DPYSL2: variants seen among roughly 807,000 people sequenced by gnomAD.
DPYSL2 encodes dihydropyrimidinase like 2, also known as dihydropyrimidinase-related protein 2.
Under a neutral mutation model 69.9 loss-of-function variants are expected in DPYSL2, and 13 were observed. That is an observed-to-expected ratio of 0.19 (90% CI 0.12 to 0.30). DPYSL2 has a LOEUF of 0.30. Among genes scored for constraint, DPYSL2 ranks in the 10% least tolerant of loss-of-function variants. The pLI is 1.00. For missense variants in DPYSL2, 587 were observed against 918.9 expected (o/e 0.64, Z 4.67); for synonymous variants, 326 against 359.1 (o/e 0.91, Z 1.04).
In DPYSL2 at chr8:26,656,604, C is replaced by G. The variant is rs1257451338; in HGVS notation, c.*898C>G. 1 of 152,608 alleles carries G rather than the reference C, an allele frequency of 6.6e-6. No homozygotes were observed. The highest frequency in any genetic ancestry group is 2.4e-5 in the African/African-American group (1 of 41,418). 9.5% of individuals were successfully genotyped at this position (152,608 alleles called of 1,614,324 possible). A position where few individuals can be genotyped will look rare whatever the true frequency, so the allele number is the denominator to read the frequency against. On this transcript the variant is annotated 3_prime_UTR_variant, in exon 14 of 14. Coordinates refer to ENST00000521913, the MANE Select transcript of DPYSL2 (RefSeq NM_001197293.3). ...CCTTGCCCCATTATCTTTTCACCTC[C>G]CAGGTCTACCATTTCATGGTGGTCG...
At position 26,577,981 on chromosome 8, in the gene DPYSL2, TTC is replaced by T. The variant is rs1224879556; in HGVS notation, c.355-3979_355-3978del. The stretch of plus-strand genomic sequence containing the variant: ...TTATTTCCACCCCCTTCCCTCCTGT[TTC>T]TCTCTCTCCTTCTCTCTCTCTCTCT... On this transcript the variant is annotated intron_variant, in intron 1 of 13. Transcript: ENST00000521913. 40 of 1,315,744 alleles carry T rather than the reference TTC, an allele frequency of 3.0e-5. No homozygotes were observed. In the African/African-American group the frequency reaches 5.7e-4, roughly 19 times the overall value. 81.5% of individuals were successfully genotyped at this position (1,315,744 alleles called of 1,614,324 possible).
chr8:26,578,364 T>C, intron 1 of DPYSL2: 1 of 1,601,710 alleles, frequency 6.2e-7, no homozygotes, highest in Non-Finnish European at 8.5e-7. Flanking sequence ...TAAGGAATTT[T>C]TAAAAAGGAG....
chr8:26,545,959 G>A (rs1302137933), intron 1 of DPYSL2, among the ~76,000 whole-genome samples: 2 of 152,068 alleles, frequency 1.3e-5, no homozygotes, highest in Non-Finnish European at 1.5e-5. Context: ...ATTTCACGTT[G>A]CCTATTCTGG....
At chr8:26,579,666 A>G (rs1447272649) in intron 1 of DPYSL2, among the ~76,000 whole-genome samples, 1 of 152,012 alleles carries the variant, frequency 6.6e-6, no homozygotes, top group Non-Finnish European at 1.5e-5. Context: ...TGCTCGGAGG[A>G]TTTTCTAGGA....
intron 1 of DPYSL2, among the ~76,000 whole-genome samples, chr8:26,553,351 AT>A (rs1204659955): frequency 9.3e-6 from 1 of 107,780 alleles, no homozygotes; most frequent in Non-Finnish European, 2.0e-5. Flanking sequence ...CCCAATACTT[AT>A]TTTTTTCTGA....
rs1374990675 is a variant in DPYSL2 at position 26,624,401 on chromosome 8, TCCCATTTGTGCCTCATG to T, written c.793+100_793+116del. 42 of 1,480,132 alleles carry T rather than the reference TCCCATTTGTGCCTCATG, an allele frequency of 2.8e-5. No individual in the cohort carries two copies. Among genetic ancestry groups the T allele is most frequent in the Middle Eastern group, 4.2e-4 (2 of 4,740 alleles). The allele number at this position is 1,480,132 out of a possible 1,614,324, so 91.7% of individuals were successfully genotyped here. On this transcript the variant is annotated intron_variant, in intron 4 of 13. Transcript: ENST00000521913. This position sits in a 1 kb window ranked among gnomAD's most constrained non-coding sequence, Gnocchi z 4.7. ...GGAAGAAAGTGATAATGCTTCCAGA[TCCCATTTGTGCCTCATG>T]CCCATGCCTGCCCCTGGGAAGGAGA...
chr8:26,517,208 C>T lies in DPYSL2; in HGVS notation c.354+2529C>T, dbSNP rs1808304385. 6.6e-6 allele frequency among the ~76,000 whole-genome samples: 1 copy of T among 152,192 alleles called. No individual in the cohort carries two copies. The highest frequency in any genetic ancestry group is 1.5e-5 in the Non-Finnish European group (1 of 68,038). ...TTGCACTAAGAGGCCTGCTGTTCCCCTAACAAGGCTTTGGGAAGGGAGAGA... is the reference window on the plus strand; with the variant it reads ...TTGCACTAAGAGGCCTGCTGTTCCCTTAACAAGGCTTTGGGAAGGGAGAGA... On this transcript the variant is annotated intron_variant, in intron 1 of 13. Transcript: ENST00000521913. This position sits in a 1 kb window ranked among gnomAD's most constrained non-coding sequence, Gnocchi z 4.2.
chr8:26,530,815 C>G (rs1057046044), intron 1 of DPYSL2, among the ~76,000 whole-genome samples: 4 of 152,164 alleles, frequency 2.6e-5, no homozygotes, highest in African/African-American at 9.7e-5. Context: ...TCACCTATTT[C>G]TTTTAGATCT....
At position 26,514,981 on chromosome 8, in the gene DPYSL2, T is replaced by G. The variant is rs1808253190; in HGVS notation, c.354+302T>G. Among the ~76,000 whole-genome samples the G allele has an allele frequency of 1.3e-5, 2 of 151,900 alleles. No homozygotes were observed. The highest frequency in any genetic ancestry group is 6.5e-5 in the Admixed American group (1 of 15,270). ...CGGGCGGTGGTCGTCTGGGAGGGGG[T>G]TGGCCGCGGTTCCATTCTTCTGAAA... is the stretch of plus-strand genomic sequence containing the variant. On this transcript the variant is annotated intron_variant, in intron 1 of 13. Coordinates refer to ENST00000521913, the MANE Select transcript of DPYSL2 (RefSeq NM_001197293.3). This position sits in a 1 kb window ranked among gnomAD's most constrained non-coding sequence, Gnocchi z 8.4.
chr8:26,594,662 C>T (rs1019911248), intron 3 of DPYSL2, among the ~76,000 whole-genome samples: 3 of 152,182 alleles, frequency 2.0e-5, no homozygotes, highest in African/African-American at 7.2e-5. Flanking sequence ...TCTTTCTAAT[C>T]TATCTGTATA....
At chr8:26,651,253 A>G (rs1228561995) in intron 11 of DPYSL2, among the ~76,000 whole-genome samples, 1 of 152,166 alleles carries the variant, frequency 6.6e-6, no homozygotes, top group African/African-American at 2.4e-5. Flanking sequence ...TACATGCCTG[A>G]TGTGAGCTGC....
chr8:26,626,793 C>A lies in DPYSL2; in HGVS notation c.855+115C>A. 2 of 1,095,712 alleles carry A rather than the reference C, an allele frequency of 1.8e-6. No individual in the cohort carries two copies. Among genetic ancestry groups the A allele is most frequent in the Non-Finnish European group, 2.7e-6 (2 of 740,918 alleles). 67.9% of individuals were successfully genotyped at this position (1,095,712 alleles called of 1,614,324 possible). A position where few individuals can be genotyped will look rare whatever the true frequency, so the allele number is the denominator to read the frequency against. On this transcript the variant is annotated intron_variant, in intron 5 of 13. Coordinates refer to ENST00000521913, the MANE Select transcript of DPYSL2 (RefSeq NM_001197293.3). This position sits in a 1 kb window ranked among gnomAD's most constrained non-coding sequence, Gnocchi z 4.3. Reference sequence around the variant, plus strand: ...TGTTTCCTAGCTTCCTGGGAAGTGGCTGGTGGATGCAGTTACTGATGTAAC... The same window carrying A: ...TGTTTCCTAGCTTCCTGGGAAGTGGATGGTGGATGCAGTTACTGATGTAAC...
intron 11 of DPYSL2, among the ~76,000 whole-genome samples, chr8:26,649,582 C>A (rs1803241230): frequency 6.6e-6 from 1 of 152,214 alleles, no homozygotes; most frequent in African/African-American, 2.4e-5. Context: ...AAAGAGCCAG[C>A]ACTAAGCATG....
chr8:26,592,451 T>G (rs984863821), intron 3 of DPYSL2, among the ~76,000 whole-genome samples: 1 of 144,026 alleles, frequency 6.9e-6, no homozygotes, highest in African/African-American at 2.6e-5. Flanking sequence ...CTGTGCCTGT[T>G]TGGTACATTA....
At chr8:26,632,027 C>G (rs1336501490) in intron 7 of DPYSL2, among the ~76,000 whole-genome samples, 1 of 152,176 alleles carries the variant, frequency 6.6e-6, no homozygotes, top group Non-Finnish European at 1.5e-5. Flanking sequence ...AGTTTGGTGA[C>G]CTATCCATCA....
At position 26,598,911 on chromosome 8, in the gene DPYSL2, C is replaced by T. The variant is rs1316923503; in HGVS notation, c.628+14928C>T. On this transcript the variant is annotated intron_variant, in intron 3 of 13. Coordinates refer to ENST00000521913, the MANE Select transcript of DPYSL2 (RefSeq NM_001197293.3). The surrounding 1 kb of genome is among the most constrained non-coding windows in gnomAD (Gnocchi z 4.2). ...GCTTCTGTGCCTTTTCCCCACTGTG[C>T]GTATTCTTAGCTGCGCAAGTGTCGT... Among the ~76,000 whole-genome samples, 1 of 152,232 alleles carries T rather than the reference C, an allele frequency of 6.6e-6. No individual in the cohort carries two copies. The highest frequency in any genetic ancestry group is 2.1e-4 in the South Asian group (1 of 4,830).
chr8:26,574,785 C>A (rs1025059750), intron 1 of DPYSL2, among the ~76,000 whole-genome samples: 2 of 152,162 alleles, frequency 1.3e-5, no homozygotes, highest in African/African-American at 4.8e-5. Context: ...ACTCTGTCAC[C>A]CAAGCTGGAG....
chr8:26,564,414 G>A lies in DPYSL2; in HGVS notation c.355-17555G>A, dbSNP rs1801118316. Reference sequence around the variant, plus strand: ...TTCCAAGCTCAAGGGACTGAGAGGTGGAGAGGAAGACTTTGAGATTTGGGA... The same window carrying A: ...TTCCAAGCTCAAGGGACTGAGAGGTAGAGAGGAAGACTTTGAGATTTGGGA... On this transcript the variant is annotated intron_variant, in intron 1 of 13. Coordinates refer to ENST00000521913, the MANE Select transcript of DPYSL2 (RefSeq NM_001197293.3). The surrounding 1 kb of genome is among the most constrained non-coding windows in gnomAD (Gnocchi z 4.8). Among the ~76,000 whole-genome samples the A allele has an allele frequency of 1.3e-5, 2 of 152,160 alleles. No homozygotes were observed. Among genetic ancestry groups the A allele is most frequent in the Admixed American group, 6.5e-5 (1 of 15,270 alleles).
chr8:26,568,343 C>G (rs1042714781), intron 1 of DPYSL2, among the ~76,000 whole-genome samples: 1 of 152,170 alleles, frequency 6.6e-6, no homozygotes, highest in Non-Finnish European at 1.5e-5. Flanking sequence ...TCTCTTTCTA[C>G]AGCGTTGTAC....
Sources: allele counts gnomAD v4.1 joint callset (sites outside exome capture counted in the v4.1 genomes callset), GRCh38; gene constraint gnomAD v4.1.1; non-coding constraint Gnocchi (gnomAD v3.1); transcripts MANE v1.5; gene names NCBI Gene and HGNC (gene_info 2026-07-23, HGNC 2026-07-21).